The following PRKAR1A variants were observed in gnomAD, a reference collection of about 807,000 sequenced individuals.
PRKAR1A encodes cAMP-dependent protein kinase type I-alpha regulatory subunit.
PRKAR1A carries 3 observed loss-of-function variants against 52.0 expected under a neutral mutation model. The ratio of observed to expected loss-of-function variants is 0.06; its 90% confidence interval spans 0.03 to 0.15. PRKAR1A has a LOEUF of 0.15. Among genes scored for constraint, PRKAR1A ranks in the 10% least tolerant of loss-of-function variants. The pLI is 1.00. For synonymous variants in PRKAR1A, 188 were observed against 168.4 expected (o/e 1.12, Z -0.90); for missense variants, 240 against 477.4 (o/e 0.50, Z 4.63).
chr17:68,510,075 C>T (rs529487660), upstream of PRKAR1A, among the ~76,000 whole-genome samples: 61 of 151,788 alleles, frequency 4.0e-4, no homozygotes, highest in African/African-American at 1.4e-3. Flanking sequence ...GGTAGCTCTG[C>T]AGGAAGAGGG....
At chr17:68,543,776 GAA>G (rs2086420011) in intron 11 of PRKAR1A, 2 of 1,457,240 alleles carry the variant, frequency 1.4e-6, no homozygotes, top group African/African-American at 1.4e-5. Context: ...GGGAGCCTGA[GAA>G]GAGAGCTGAT....
chr17:68,414,825 G>A, the PRKAR1A span, among the ~76,000 whole-genome samples: 16 of 152,100 alleles, frequency 1.1e-4, no homozygotes, highest in Non-Finnish European at 4.4e-5. Flanking sequence ...ATGCAAAGGT[G>A]TTCATAGTAG....
chr17:68,515,936 T>C lies in PRKAR1A; in HGVS notation c.177+360T>C, dbSNP rs78289436. The C allele has an allele frequency of 1.1e-4, 27 of 239,832 alleles. No individual in the cohort carries two copies. In the East Asian group the frequency reaches 2.8e-3, roughly 25 times the overall value. The allele number at this position is 239,832 out of a possible 1,614,324, so 14.9% of individuals were successfully genotyped here. A position where few individuals can be genotyped will look rare whatever the true frequency, so the allele number is the denominator to read the frequency against. On this transcript the variant is annotated intron_variant, in intron 2 of 10. Transcript: ENST00000589228. ...TATAGTTCTTAAAGGCAGTTAATGC[T>C]CCTCCCGTTTTGAACAAAGCAAGTA... is the stretch of plus-strand genomic sequence containing the variant.
rs778292216 is a variant in PRKAR1A, at chr17:68,542,167, T to TGGAGGATGG, written c.974-8910_974-8902dup. 1.9e-6 allele frequency: 3 copies of TGGAGGATGG among 1,613,654 alleles called. No homozygotes were observed. The African/African-American group carries it at 4.0e-5, about 22-fold the overall frequency. On this transcript the variant is annotated intron_variant, in intron 11 of 11. Transcript: ENST00000585981. ...TGGCGAAGAAGCACACGTTGCTCGC[T>TGGAGGATGG]GGAGGATGGGGAGGAGAGAGGAGGA...
At chr17:68,432,551 T>C in the PRKAR1A span, among the ~76,000 whole-genome samples, 2 of 152,088 alleles carry the variant, frequency 1.3e-5, no homozygotes, top group East Asian at 1.9e-4. Flanking sequence ...TGTGTCAGCA[T>C]TGATAAGGTG....
chr17:68,472,261 C>G, the PRKAR1A span, among the ~76,000 whole-genome samples: 2 of 152,156 alleles, frequency 1.3e-5, no homozygotes, highest in Admixed American at 6.5e-5. Flanking sequence ...CTTGCTAACT[C>G]CCCCAGCCTC....
chr17:68,416,415 A>G, the PRKAR1A span, among the ~76,000 whole-genome samples: 12 of 152,066 alleles, frequency 7.9e-5, no homozygotes, highest in African/African-American at 2.9e-4. Flanking sequence ...GATACCTGGT[A>G]TTTTTGTCTC....
chr17:68,445,083 G>T, the PRKAR1A span, among the ~76,000 whole-genome samples: 3 of 151,974 alleles, frequency 2.0e-5, no homozygotes, highest in Non-Finnish European at 2.9e-5. Context: ...ACCACACCTG[G>T]CTAATTTTGT....
chr17:68,491,094 C>CTTTCT, the PRKAR1A span, among the ~76,000 whole-genome samples: 957 of 145,204 alleles, frequency 6.6e-3, 7 homozygotes, highest in South Asian at 9.2e-3. Flanking sequence ...TTCTTTCTTT[C>CTTTCT]TTTTTTTTTT....
chr17:68,509,857 C>T (rs1360146211), upstream of PRKAR1A, among the ~76,000 whole-genome samples: 1 of 152,142 alleles, frequency 6.6e-6, no homozygotes, highest in Non-Finnish European at 1.5e-5. Flanking sequence ...GTGACTGACA[C>T]AGGAAATGGC....
At chr17:68,414,508 T>C in the PRKAR1A span, among the ~76,000 whole-genome samples, 1 of 152,200 alleles carries the variant, frequency 6.6e-6, no homozygotes, top group East Asian at 1.9e-4. Flanking sequence ...GTTATGTCCT[T>C]TCCTGGTTGT....
the PRKAR1A span, among the ~76,000 whole-genome samples, chr17:68,478,458 A>G: frequency 6.6e-6 from 1 of 152,224 alleles, no homozygotes; most frequent in Non-Finnish European, 1.5e-5. Context: ...CTCAAAAACA[A>G]CAACAACAAC....
chr17:68,428,816 G>A, the PRKAR1A span: 1 of 1,599,530 alleles, frequency 6.3e-7, no homozygotes, highest in Non-Finnish European at 8.6e-7. Flanking sequence ...CTTTTGAAAA[G>A]CAGTCTCTTC....
At chr17:68,546,424 A>G (rs2086569851) in intron 11 of PRKAR1A, among the ~76,000 whole-genome samples, 1 of 152,010 alleles carries the variant, frequency 6.6e-6, no homozygotes, top group African/African-American at 2.4e-5. Context: ...AATTTTCTTA[A>G]TGGCATCTAG....
the PRKAR1A span, chr17:68,436,604 A>C: frequency 3.0e-3 from 2,370 of 790,020 alleles, 36 homozygotes; most frequent in African/African-American, 0.036. Context: ...ATGGCTTTGC[A>C]GACAACTGCT....
rs554637388 is a variant in PRKAR1A at position 68,547,233 on chromosome 17, A to G, written c.974-3851A>G. On this transcript the variant is annotated intron_variant, in intron 11 of 11. Transcript: ENST00000585981. ...GTTCCCAGCGACATTATCACCTAAC[A>G]AGAGAGTCAGCCTGTCCTTTGAATC... 2.0e-5 allele frequency among the ~76,000 whole-genome samples: 3 copies of G among 152,300 alleles called. No homozygotes were observed. In the East Asian group the frequency reaches 5.8e-4, roughly 29 times the overall value.
the PRKAR1A span, among the ~76,000 whole-genome samples, chr17:68,499,368 A>AAGAGAGAGAGAGAGAGAGAGAG: frequency 1.4e-4 from 20 of 140,482 alleles, no homozygotes; most frequent in Non-Finnish European, 2.3e-4. Context: ...AAGGGAGGAA[A>AAGAGAGAGAGAGAGAGAGAGAG]AGAGAGAGAG....
At chr17:68,542,264 G>A in intron 11 of PRKAR1A, 2 of 1,290,606 alleles carry the variant, frequency 1.5e-6, no homozygotes, top group Non-Finnish European at 2.2e-6. Flanking sequence ...GGGAAACCCT[G>A]AACTCACAGC....
the PRKAR1A span, among the ~76,000 whole-genome samples, chr17:68,471,017 C>T: frequency 6.6e-6 from 1 of 152,166 alleles, no homozygotes; most frequent in East Asian, 1.9e-4. Context: ...ACACATTAGC[C>T]TTATTGTTTT....
Sources: gnomAD v4.1 joint callset for allele counts (sites outside exome capture counted in the v4.1 genomes callset) on GRCh38, gnomAD v4.1.1 for gene constraint, MANE v1.5 for transcripts, NCBI Gene and HGNC (gene_info 2026-07-23, HGNC 2026-07-21) for gene names.